The following PTPRK variants were observed in gnomAD, a reference collection of about 807,000 sequenced individuals.
PTPRK encodes the protein receptor-type tyrosine-protein phosphatase kappa.
Under a neutral mutation model 178.0 loss-of-function variants are expected in PTPRK, and 75 were observed. The ratio of observed to expected loss-of-function variants is 0.42; its 90% CI spans 0.35 to 0.51. The LOEUF (loss-of-function observed/expected upper bound fraction) is 0.51. Among genes scored for constraint, PTPRK ranks in the 20% least tolerant of loss-of-function variants. The pLI is 0.02. For synonymous variants in PTPRK, 637 were observed against 620.6 expected (o/e 1.03, Z -0.39); for missense variants, 1,441 against 1,797.8 (o/e 0.80, Z 3.59).
At chr6:128,508,976 AAAAC>A (rs1856781225) in intron 1 of PTPRK, among the ~76,000 whole-genome samples, 1 of 151,792 alleles carries the variant, frequency 6.6e-6, no homozygotes, top group Non-Finnish European at 1.5e-5. Flanking sequence ...AAAAGAAAAG[AAAAC>A]GAAAAAATTT....
chr6:128,272,629 C>G (rs572717198), intron 3 of PTPRK, among the ~76,000 whole-genome samples: 84 of 152,256 alleles, frequency 5.5e-4, no homozygotes, highest in African/African-American at 1.9e-3. Flanking sequence ...CACTGGCCCT[C>G]AGAGAAATGC....
At chr6:128,499,026 T>A (rs1855147972) in intron 1 of PTPRK, among the ~76,000 whole-genome samples, 1 of 152,228 alleles carries the variant, frequency 6.6e-6, no homozygotes, top group African/African-American at 2.4e-5. Flanking sequence ...TTACATAGTG[T>A]TATTTTGTTT....
At position 128,089,882 on chromosome 6, in the gene PTPRK, C is replaced by T. The variant is rs1786623878; in HGVS notation, c.1273G>A (p.Val425Ile). ...CGGAAGTAATGGTAGCAGATAGTGA[C>T]ATTAAAAGTGTGGCAACGCGTAATG... Reference protein sequence around the residue: ...YNITRCHTFNVTICYHYFRGH... With the variant: ...YNITRCHTFNITICYHYFRGH... Residue 425 changes from valine (V) to isoleucine (I), a missense_variant, in exon 8 of 30, where the codon GTC (valine) becomes ATC (isoleucine). Coordinates refer to ENST00000368226, the MANE Select transcript of PTPRK (RefSeq NM_002844.4). The T allele has an allele frequency of 1.2e-6, 2 of 1,613,866 alleles. No individual in the cohort carries two copies. Among genetic ancestry groups the T allele is most frequent in the Non-Finnish European group, 1.7e-6 (2 of 1,179,802 alleles).
intron 1 of PTPRK, among the ~76,000 whole-genome samples, chr6:128,413,196 C>T (rs1208755507): frequency 6.6e-6 from 1 of 152,110 alleles, no homozygotes; most frequent in Non-Finnish European, 1.5e-5. Flanking sequence ...CTGTCTCCTA[C>T]AGAGTTCAAA....
At chr6:128,155,423 C>G (rs192553434) in intron 7 of PTPRK, among the ~76,000 whole-genome samples, 22 of 151,694 alleles carry the variant, frequency 1.5e-4, no homozygotes, top group Admixed American at 3.3e-4. Context: ...CTTCACTCTT[C>G]AGCTATTTAG....
chr6:128,108,069 AACACAC>A (rs67513455), intron 7 of PTPRK, among the ~76,000 whole-genome samples: 11,310 of 133,758 alleles, frequency 0.085, 465 homozygotes, highest in Non-Finnish European at 0.089. Context: ...TAAATAGCAA[AACACAC>A]ACACACACAC....
At chr6:128,105,126 A>C (rs1339604318) in intron 7 of PTPRK, among the ~76,000 whole-genome samples, 3 of 144,178 alleles carry the variant, frequency 2.1e-5, no homozygotes, top group East Asian at 2.0e-4. Flanking sequence ...TACCTCACTT[A>C]TTTCTTTTTT....
intron 1 of PTPRK, among the ~76,000 whole-genome samples, chr6:128,445,732 T>C (rs1380716196): frequency 6.6e-6 from 1 of 152,180 alleles, no homozygotes. Flanking sequence ...ATTTACATTA[T>C]CATTATAGCT....
At chr6:128,131,176 G>C (rs193059588) in intron 7 of PTPRK, among the ~76,000 whole-genome samples, 1 of 152,258 alleles carries the variant, frequency 6.6e-6, no homozygotes, top group African/African-American at 2.4e-5. Flanking sequence ...GATTGTGCAG[G>C]GACAGAGCTT....
chr6:127,983,160 A>T, intron 23 of PTPRK, 82 bp downstream of exon 23: 1 of 1,354,604 alleles, frequency 7.4e-7, no homozygotes, highest in Non-Finnish European at 9.9e-7. Flanking sequence ...GGTTGAGTAG[A>T]GTATATATGA....
chr6:127,998,869 G>A lies in PTPRK; in HGVS notation c.2530C>T (p.Leu844Phe), dbSNP rs201745222. The change falls in exon 16 of 30, where the codon CTT (leucine) becomes TTT (phenylalanine). Residue 844 changes from leucine (L) to phenylalanine (F), a missense_variant. Physicochemically the swap from Leu to Phe is conservative, Grantham distance 22. Around this residue, in one of 4 missense-constraint regions of PTPRK, gnomAD observed 945 missense variants for 1,080.6 expected, o/e 0.87. Transcript: ENST00000368226. ...CAGAGGTAGCGAGGTACGTCTAGAA[G>A]GCGACTGGACTCTGCTGTAGCACTG... ...NHSATAESSR[L>F]LDVPRYLCEG... 1.9e-5 allele frequency: 30 copies of A among 1,594,500 alleles called. No homozygotes were observed. The highest frequency in any genetic ancestry group is 2.4e-5 in the Non-Finnish European group (28 of 1,168,012).
chr6:127,997,062 C>T (rs1393946447), intron 16 of PTPRK, 74 bp from the exon 17 acceptor site: 4 of 1,478,100 alleles, frequency 2.7e-6, no homozygotes, highest in Non-Finnish European at 3.7e-6. Flanking sequence ...TTCTGAAGCC[C>T]CAAATAGTAA....
chr6:128,119,723 A>C (rs1385041783), intron 7 of PTPRK, among the ~76,000 whole-genome samples: 2 of 152,052 alleles, frequency 1.3e-5, no homozygotes, highest in Admixed American at 6.5e-5. Context: ...TATCATGATA[A>C]GGTTAAGTAT....
chr6:128,263,239 A>C (rs1818447281), intron 3 of PTPRK, among the ~76,000 whole-genome samples: 1 of 152,210 alleles, frequency 6.6e-6, no homozygotes, highest in Non-Finnish European at 1.5e-5. Context: ...AAAAGTCCTA[A>C]GAAGGAAGAG....
At chr6:128,457,348 T>C (rs1848527901) in intron 1 of PTPRK, among the ~76,000 whole-genome samples, 1 of 152,116 alleles carries the variant, frequency 6.6e-6, no homozygotes, top group Non-Finnish European at 1.5e-5. Context: ...TTGTGCTGCA[T>C]CTATAACCAA....
At chr6:128,279,172 C>G (rs527613255) in intron 3 of PTPRK, among the ~76,000 whole-genome samples, 1 of 151,050 alleles carries the variant, frequency 6.6e-6, no homozygotes, top group South Asian at 2.1e-4. Context: ...ATACAAATCC[C>G]TGGGAGAACA....
At chr6:128,016,220 T>C (rs1448434950) in intron 13 of PTPRK, among the ~76,000 whole-genome samples, 1 of 151,862 alleles carries the variant, frequency 6.6e-6, no homozygotes, top group Non-Finnish European at 1.5e-5. Flanking sequence ...ATGGTAGACT[T>C]CATAAGGAAA....
chr6:128,310,507 AC>A (rs1397236709), intron 3 of PTPRK, among the ~76,000 whole-genome samples: 1 of 152,206 alleles, frequency 6.6e-6, no homozygotes, highest in African/African-American at 2.4e-5. Flanking sequence ...AAAATGCTGT[AC>A]CTTACACAAC....
At chr6:128,362,139 T>G (rs1834858953) in intron 2 of PTPRK, among the ~76,000 whole-genome samples, 1 of 152,206 alleles carries the variant, frequency 6.6e-6, no homozygotes, top group Non-Finnish European at 1.5e-5. Flanking sequence ...AGCATGGTGC[T>G]GAGCATGTCT....
Sources: allele counts gnomAD v4.1 joint callset (sites outside exome capture counted in the v4.1 genomes callset), GRCh38; gene constraint gnomAD v4.1.1; regional missense constraint gnomAD v4.1.1; transcripts MANE v1.5; gene names NCBI Gene and HGNC (gene_info 2026-07-23, HGNC 2026-07-21).